TP53BP2: variants seen among roughly 807,000 people sequenced by gnomAD.
The protein encoded by TP53BP2 is tumor protein p53 binding protein 2, also known as apoptosis-stimulating of p53 protein 2.
Under a neutral mutation model 126.2 loss-of-function variants are expected in TP53BP2, and 62 were observed. The observed-to-expected ratio is 0.49, with a 90% CI of 0.40 to 0.61. The LOEUF is 0.61. Among genes scored for constraint, TP53BP2 ranks in the 20% least tolerant of loss-of-function variants. The pLI, the probability that TP53BP2 is intolerant of heterozygous loss-of-function variation, is 0.00. For missense variants in TP53BP2, 1,215 were observed against 1,402.8 expected (o/e 0.87, Z 2.14); for synonymous variants, 485 against 502.9 (o/e 0.96, Z 0.48).
At chr1:223,785,702 G>A (rs1013967707) in intron 16 of TP53BP2, among the ~76,000 whole-genome samples, 4 of 152,120 alleles carry the variant, frequency 2.6e-5, no homozygotes, top group African/African-American at 4.8e-5. Flanking sequence ...TAAATCATTA[G>A]GAATGGAGAA....
intron 10 of TP53BP2, 40 bp from the exon 11 acceptor site, chr1:223,800,087 G>A: frequency 2.6e-6 from 4 of 1,546,710 alleles, no homozygotes; most frequent in Non-Finnish European, 3.5e-6. Context: ...AAACTGTTTA[G>A]AATAAAGTAT....
chr1:223,817,245 G>A, intron 2 of TP53BP2, among the ~76,000 whole-genome samples: 1 of 87,316 alleles, frequency 1.1e-5, no homozygotes, highest in South Asian at 5.9e-4. Context: ...AAGGATGAGG[G>A]GGAGGGAAAG....
chr1:223,810,051 C>G (rs778264102), intron 4 of TP53BP2, among the ~76,000 whole-genome samples: 5 of 152,146 alleles, frequency 3.3e-5, no homozygotes, highest in Non-Finnish European at 7.4e-5. Flanking sequence ...GTTTTGAACT[C>G]CTGACCTCAG....
In TP53BP2 at chr1:223,812,728, T is replaced by C. The variant is rs1249700013; in HGVS notation, c.289+1512A>G. ...GCACATGCCACCATGCCCAGCTAATTTTTGTATTTTTAGTAGAGACAGGGT... is the reference window on the plus strand; with the variant it reads ...GCACATGCCACCATGCCCAGCTAATCTTTGTATTTTTAGTAGAGACAGGGT... On this transcript the variant is annotated intron_variant, in intron 3 of 17. Transcript: ENST00000343537. 1.3e-5 allele frequency among the ~76,000 whole-genome samples: 2 copies of C among 151,906 alleles called. 1 individual carries two copies.
At chr1:223,788,570 G>A (rs1662049582) in intron 16 of TP53BP2, among the ~76,000 whole-genome samples, 3 of 152,156 alleles carry the variant, frequency 2.0e-5, no homozygotes, top group African/African-American at 2.4e-5. Flanking sequence ...CAAAATATAT[G>A]TTGCCTTTAT....
At chr1:223,843,951 G>A (rs1334742208) in intron 1 of TP53BP2, among the ~76,000 whole-genome samples, 1 of 152,066 alleles carries the variant, frequency 6.6e-6, no homozygotes, top group African/African-American at 2.4e-5. Context: ...TTTATCTACC[G>A]CCTATTGCAA....
chr1:223,831,496 TA>T, intron 1 of TP53BP2, among the ~76,000 whole-genome samples: 1 of 114,100 alleles, frequency 8.8e-6, no homozygotes, highest in South Asian at 2.5e-4. Flanking sequence ...TATATATATA[TA>T]TATATATATA....
rs146406124 is a variant in TP53BP2 at position 223,800,711 on chromosome 1, G to A, written c.1325C>T (p.Ala442Val). Residue 442 changes from alanine to valine, a missense_variant, in exon 10 of 18, where the codon GCT becomes GTT. Around this residue, in one of 4 missense-constraint regions of TP53BP2, gnomAD observed 814 missense variants for 853.0 expected, o/e 0.95. Coordinates refer to ENST00000343537, the MANE Select transcript of TP53BP2 (RefSeq NM_001031685.3). ...CAAATAAATCTCACCTTGATCCAGA[G>A]CATTCCCAGTGCTTTGAGGTACAGA... ...SASVPQSTGNALDQVDDGEVP... is the reference protein window; with the variant it reads ...SASVPQSTGNVLDQVDDGEVP... 6 of 1,598,882 alleles carry A rather than the reference G, an allele frequency of 3.8e-6. No individual in the cohort carries two copies. The African/African-American group carries it at 8.1e-5, about 22-fold the overall frequency.
chr1:223,793,105 C>T (rs983569052), intron 14 of TP53BP2, among the ~76,000 whole-genome samples, 198 bp downstream of exon 14: 1 of 152,028 alleles, frequency 6.6e-6, no homozygotes, highest in Non-Finnish European at 1.5e-5. Flanking sequence ...AAAGCGTGCC[C>T]AAGAGTTCCT....
rs1195719659 is a variant in TP53BP2 at position 223,831,478 on chromosome 1, AAAATAT to A, written c.28-10117_28-10112del. Among the ~76,000 whole-genome samples the A allele has an allele frequency of 8.2e-3, 356 of 43,434 alleles. 1 individual carries two copies. Among genetic ancestry groups the A allele is most frequent in the South Asian group, 0.018 (22 of 1,252 alleles). 28.5% of individuals were successfully genotyped at this position (43,434 alleles called of 152,430 possible). ...CATATGTACCATCTAAAAAAAAAAA[AAAATAT>A]ATATATATATATATATATATATATA... On this transcript the variant is annotated intron_variant, in intron 1 of 17. Transcript: ENST00000343537.
chr1:223,827,698 G>T (rs560919105), intron 1 of TP53BP2, among the ~76,000 whole-genome samples: 1 of 152,078 alleles, frequency 6.6e-6, no homozygotes, highest in Non-Finnish European at 1.5e-5. Context: ...GTGTTGACAG[G>T]AAACTAACTA....
chr1:223,790,790 G>A (rs1489033861), intron 15 of TP53BP2, among the ~76,000 whole-genome samples: 1 of 151,848 alleles, frequency 6.6e-6, no homozygotes. Flanking sequence ...ATTTTTTATA[G>A]AGACAGGGTC....
At position 223,815,979 on chromosome 1, in the gene TP53BP2, C is replaced by T. The variant is rs558825151; in HGVS notation, c.176-1626G>A. Among the ~76,000 whole-genome samples the T allele has an allele frequency of 5.9e-5, 9 of 152,268 alleles. No homozygotes were observed. In the South Asian group the frequency reaches 1.9e-3, roughly 32 times the overall value. The stretch of plus-strand genomic sequence containing the variant: ...CTATGATGTTCACACAACAAAATCA[C>T]CTAATGACAAATTTCTCGGCACGTA... On this transcript the variant is annotated intron_variant, in intron 2 of 17. Transcript: ENST00000343537.
rs1248640160 is a variant in TP53BP2, at chr1:223,779,910, G to C, written c.*943C>G. On this transcript the variant is annotated 3_prime_UTR_variant, in exon 18 of 18. Transcript: ENST00000343537. ...GGCTTCTATCACCATGATCTCTACA[G>C]TATTTTATTTTAAAAACCACTTACA... is the stretch of plus-strand genomic sequence containing the variant. 1 of 152,172 alleles carries C rather than the reference G, an allele frequency of 6.6e-6. No homozygotes were observed. The highest frequency in any genetic ancestry group is 2.4e-5 in the African/African-American group (1 of 41,436). 9.4% of individuals were successfully genotyped at this position (152,172 alleles called of 1,614,324 possible).
chr1:223,814,390 TAAAA>T, intron 2 of TP53BP2, 37 bp from the exon 3 acceptor site: 1 of 1,415,024 alleles, frequency 7.1e-7, no homozygotes, highest in Non-Finnish European at 1.0e-6. Flanking sequence ...TATTTTCAGG[TAAAA>T]GAAAGATAAA....
At chr1:223,784,892 T>A (rs1045739406) in intron 16 of TP53BP2, among the ~76,000 whole-genome samples, 2 of 152,306 alleles carry the variant, frequency 1.3e-5, no homozygotes, top group African/African-American at 4.8e-5. Context: ...CTTCATATAA[T>A]CAACTCTAAT....
intron 17 of TP53BP2, 71 bp downstream of exon 17, chr1:223,784,044 A>T: frequency 7.3e-7 from 1 of 1,363,778 alleles, no homozygotes. Flanking sequence ...CTGTACACAT[A>T]ACATACAGCA....
intron 1 of TP53BP2, among the ~76,000 whole-genome samples, chr1:223,838,973 A>G (rs930567465): frequency 2.3e-4 from 35 of 151,490 alleles, no homozygotes; most frequent in Middle Eastern, 3.5e-3. Flanking sequence ...TCTTCTCATC[A>G]GTATGGATTT....
intron 1 of TP53BP2, among the ~76,000 whole-genome samples, chr1:223,840,095 C>T (rs1571880344): frequency 6.6e-6 from 1 of 152,132 alleles, no homozygotes; most frequent in South Asian, 2.1e-4. Flanking sequence ...ACTTTTCCTG[C>T]CCATTATCTA....
Sources: allele counts gnomAD v4.1 joint callset (sites outside exome capture counted in the v4.1 genomes callset), GRCh38; gene constraint gnomAD v4.1.1; regional missense constraint gnomAD v4.1.1; transcripts MANE v1.5; gene names NCBI Gene and HGNC (gene_info 2026-07-23, HGNC 2026-07-21).